The following HNF1B variants were observed in gnomAD, a reference collection of about 807,000 sequenced individuals.
HNF1B encodes hepatocyte nuclear factor 1-beta.
Under a neutral mutation model 61.7 loss-of-function variants are expected in HNF1B, and 8 were observed. That is an observed-to-expected ratio of 0.13 (90% confidence interval 0.08 to 0.23). The LOEUF is 0.23. Ranked by LOEUF, HNF1B falls within the 10% of genes least tolerant of loss-of-function variation. HNF1B has a pLI of 1.00. For synonymous variants in HNF1B, 314 were observed against 287.7 expected (o/e 1.09, Z -0.93); for missense variants, 562 against 714.5 (o/e 0.79, Z 2.43).
chr17:37,724,736 T>C (rs2033436071), intron 4 of HNF1B, among the ~76,000 whole-genome samples: 1 of 152,206 alleles, frequency 6.6e-6, no homozygotes, highest in Admixed American at 6.5e-5. Flanking sequence ...TACAACTGAA[T>C]AGTTTAAAGT....
chr17:37,699,712 G>C (rs543756926), intron 7 of HNF1B, among the ~76,000 whole-genome samples: 5 of 152,216 alleles, frequency 3.3e-5, no homozygotes, highest in African/African-American at 9.7e-5. Context: ...GGGAGGAAGG[G>C]AAGTGGGGCA....
chr17:37,726,006 G>A (rs1186355705), intron 4 of HNF1B, among the ~76,000 whole-genome samples: 1 of 152,230 alleles, frequency 6.6e-6, no homozygotes, highest in African/African-American at 2.4e-5. Context: ...CAGTGGTTGG[G>A]GAGGAAGTAG....
intron 4 of HNF1B, chr17:37,720,592 A>G (rs901908773): frequency 5.9e-6 from 1 of 168,618 alleles, no homozygotes; most frequent in East Asian, 1.9e-4. Context: ...ACTGAATACC[A>G]AATTTATAAA....
At chr17:37,715,671 G>C (rs2147489532) in intron 4 of HNF1B, among the ~76,000 whole-genome samples, 1 of 152,272 alleles carries the variant, frequency 6.6e-6, no homozygotes, top group African/African-American at 2.4e-5. Context: ...TCCCATGTCA[G>C]ATAACCCTTT....
intron 4 of HNF1B, among the ~76,000 whole-genome samples, chr17:37,718,905 T>G (rs1200884654): frequency 6.6e-6 from 1 of 152,202 alleles, no homozygotes; most frequent in Admixed American, 6.5e-5. Flanking sequence ...GTGAAGTGAC[T>G]GGAGTATGTC....
chr17:37,717,302 C>A (rs955429397), intron 4 of HNF1B, among the ~76,000 whole-genome samples: 1 of 152,148 alleles, frequency 6.6e-6, no homozygotes, highest in Non-Finnish European at 1.5e-5. Context: ...CCTCTGCCAG[C>A]GTAAGTGAGC....
intron 1 of HNF1B, among the ~76,000 whole-genome samples, chr17:37,740,751 T>C (rs924714444): frequency 7.2e-5 from 11 of 152,252 alleles, no homozygotes; most frequent in African/African-American, 2.4e-4. Context: ...TCCTGTATTA[T>C]GTTTCTCATA....
chr17:37,691,371 G>A (rs1411904521), intron 8 of HNF1B, among the ~76,000 whole-genome samples: 2 of 152,174 alleles, frequency 1.3e-5, no homozygotes, highest in Non-Finnish European at 2.9e-5. Context: ...GGGAAGTGTG[G>A]CCTGGAGAGG....
At chr17:37,693,189 C>CAAAAAA (rs11464180) in intron 8 of HNF1B, among the ~76,000 whole-genome samples, 16 of 47,688 alleles carry the variant, frequency 3.4e-4, no homozygotes, top group South Asian at 8.5e-4. Context: ...GATTCCATCT[C>CAAAAAA]AAAAAAAAAA....
At chr17:37,702,969 C>T (rs1225738799) in intron 6 of HNF1B, among the ~76,000 whole-genome samples, 1 of 152,132 alleles carries the variant, frequency 6.6e-6, no homozygotes, top group African/African-American at 2.4e-5. Flanking sequence ...CTATCCAGTC[C>T]AGGGAAGAGA....
chr17:37,693,263 G>A (rs998604355), intron 8 of HNF1B, among the ~76,000 whole-genome samples: 1 of 151,482 alleles, frequency 6.6e-6, no homozygotes, highest in Non-Finnish European at 1.5e-5. Flanking sequence ...ACAGACGGGA[G>A]AGAAAACAGG....
At chr17:37,741,374 A>G (rs1029749775) in intron 1 of HNF1B, among the ~76,000 whole-genome samples, 3 of 152,056 alleles carry the variant, frequency 2.0e-5, no homozygotes, top group Non-Finnish European at 1.5e-5. Context: ...AACTTTTTAT[A>G]TTAATTATAT....
chr17:37,693,327 C>T (rs528786184), intron 8 of HNF1B, among the ~76,000 whole-genome samples: 1 of 152,046 alleles, frequency 6.6e-6, no homozygotes, highest in Non-Finnish European at 1.5e-5. Flanking sequence ...CTGTTAGGCA[C>T]ATTGAATATT....
rs11263759 is a variant in HNF1B, at chr17:37,727,850, G to A, written c.1045+3745C>T. 4.7e-3 allele frequency among the ~76,000 whole-genome samples: 720 copies of A among 152,188 alleles called. 4 individuals carry two copies. The highest frequency in any genetic ancestry group is 0.016 in the African/African-American group (682 of 41,480). ...TCTCCAAGGTGCTGCCAGCCCTCCT[G>A]GCTCAGGTGCTGATGTTTGGAGAGG... is the stretch of plus-strand genomic sequence containing the variant. On this transcript the variant is annotated intron_variant, in intron 4 of 8. Coordinates refer to ENST00000617811, the MANE Select transcript of HNF1B (RefSeq NM_000458.4).
At chr17:37,737,767 G>A (rs1392204610) in intron 2 of HNF1B, among the ~76,000 whole-genome samples, 9 of 152,004 alleles carry the variant, frequency 5.9e-5, no homozygotes, top group East Asian at 1.9e-4. Context: ...CCCGGGAGGC[G>A]GAGCTTGCAG....
chr17:37,741,022 A>G (rs1022887202), intron 1 of HNF1B, among the ~76,000 whole-genome samples: 1 of 152,218 alleles, frequency 6.6e-6, no homozygotes, highest in African/African-American at 2.4e-5. Context: ...ATGCAGGTAC[A>G]TATTTAACTT....
At chr17:37,742,490 C>T (rs918009005) in intron 1 of HNF1B, among the ~76,000 whole-genome samples, 1 of 152,184 alleles carries the variant, frequency 6.6e-6, no homozygotes, top group African/African-American at 2.4e-5. Flanking sequence ...TTGGGAGCCC[C>T]CTGTGCAGTG....
At chr17:37,741,263 ATATTT>A (rs1363314173) in intron 1 of HNF1B, among the ~76,000 whole-genome samples, 3 of 152,262 alleles carry the variant, frequency 2.0e-5, no homozygotes, top group African/African-American at 7.2e-5. Flanking sequence ...GTAATCGAAC[ATATTT>A]TATAAGCATT....
intron 4 of HNF1B, among the ~76,000 whole-genome samples, chr17:37,724,474 C>T (rs372043627): frequency 1.6e-4 from 24 of 152,096 alleles, no homozygotes; most frequent in Non-Finnish European, 2.6e-4. Context: ...TGTCCTACAG[C>T]GGGGTCAGCA....
Sources: gnomAD v4.1 joint callset for allele counts (sites outside exome capture counted in the v4.1 genomes callset) on GRCh38, gnomAD v4.1.1 for gene constraint, MANE v1.5 for transcripts, NCBI Gene and HGNC (gene_info 2026-07-23, HGNC 2026-07-21) for gene names.